ASL: variants seen among roughly 807,000 people sequenced by gnomAD.
The protein encoded by ASL is argininosuccinate lyase, also known as argininosuccinase.
Under a neutral mutation model 69.1 loss-of-function variants are expected in ASL, and 51 were observed. The ratio of observed to expected loss-of-function variants is 0.74; its 90% CI spans 0.59 to 0.93. The LOEUF (loss-of-function observed/expected upper bound fraction) is 0.93. Among genes scored for constraint, ASL ranks in the 40% least tolerant of loss-of-function variants. The probability of loss-of-function intolerance (pLI) is 0.00; values close to 1 mark genes in which losing one functional copy is unlikely to be tolerated. For synonymous variants in ASL, 241 were observed against 247.6 expected, an observed-to-expected ratio of 0.97 and a Z score of 0.25; for missense variants, 540 against 623.9, an observed-to-expected ratio of 0.87 and a Z score of 1.43.
At position 66,088,725 on chromosome 7, in the gene ASL, C is replaced by T. The variant is rs534290482; in HGVS notation, c.719-82C>T. Reference sequence around the variant, plus strand: ...TGAAAATTTAGCCGGGTCCCCCCACCGCCTAACCTCCTCCTGCCCCCTGTA... The same window carrying T: ...TGAAAATTTAGCCGGGTCCCCCCACTGCCTAACCTCCTCCTGCCCCCTGTA... On this transcript the variant is annotated intron_variant, in intron 10 of 16. Coordinates refer to ENST00000304874, the MANE Select transcript of ASL (RefSeq NM_000048.4). The T allele has an allele frequency of 1.3e-4, 163 of 1,230,892 alleles. 1 individual carries two copies. In the African/African-American group the frequency reaches 2.0e-3, roughly 15 times the overall value. 76.2% of individuals were successfully genotyped at this position (1,230,892 alleles called of 1,614,324 possible).
intron 5 of ASL, 30 bp from the exon 6 acceptor site, chr7:66,083,047 C>T: frequency 6.2e-7 from 1 of 1,613,198 alleles, no homozygotes; most frequent in Non-Finnish European, 8.5e-7. Context: ...ACACATCGGC[C>T]TCCCTGAGCA....
At chr7:66,078,050 C>T (rs1338941404) in intron 2 of ASL, among the ~76,000 whole-genome samples, 3 of 152,344 alleles carry the variant, frequency 2.0e-5, no homozygotes, top group Admixed American at 2.0e-4. Context: ...TTCTAGGTGA[C>T]CTCAGGTTGC....
At chr7:66,089,755 G>A (rs1309547166) in intron 14 of ASL, 60 bp downstream of exon 14, 26 of 1,578,356 alleles carry the variant, frequency 1.6e-5, no homozygotes, top group African/African-American at 2.7e-5. Context: ...GTGGGCATGC[G>A]GGGAGGGTGG....
At position 66,089,678 on chromosome 7, in the gene ASL, G is replaced by A. The variant is rs372774556; in HGVS notation, c.1045G>A (p.Val349Ile). Residue 349 changes from valine (V) to isoleucine (I), a missense_variant, in exon 14 of 17, where the codon GTC (valine) becomes ATC (isoleucine). Transcript: ENST00000304874. ...TGCCGTGCTCCAGGTGGCCACTGGC[G>A]TCATCTCTACGCTGCAGGCAAGACA... Reference protein sequence around the residue: ...MSAVLQVATGVISTLQIHQEN... With the variant: ...MSAVLQVATGIISTLQIHQEN... 31 of 1,613,398 alleles carry A rather than the reference G, an allele frequency of 1.9e-5. No homozygotes were observed. The Middle Eastern group carries it at 6.6e-4, about 34-fold the overall frequency.
chr7:66,089,313 G>A lies in ASL; in HGVS notation c.956G>A (p.Ser319Asn), dbSNP rs774195710. The change falls in exon 13 of 17, where the codon AGC (serine) becomes AAC (asparagine). Residue 319 changes from serine (S) to asparagine (N), a missense_variant. Coordinates refer to ENST00000304874, the MANE Select transcript of ASL (RefSeq NM_000048.4). ...GLLMTLKGLPSTYNKDLQEDK... is the reference protein window; with the variant it reads ...GLLMTLKGLPNTYNKDLQEDK... The stretch of plus-strand genomic sequence containing the variant: ...CTGATGACCCTCAAGGGACTTCCCA[G>A]CACCTACAACAAAGACTTACAGGTG... The A allele has an allele frequency of 1.2e-6, 2 of 1,608,628 alleles. No homozygotes were observed. The highest frequency in any genetic ancestry group is 1.1e-5 in the South Asian group (1 of 90,422).
chr7:66,092,130 C>G (rs1209172234), intron 15 of ASL, 44 bp downstream of exon 15: 2 of 1,598,936 alleles, frequency 1.3e-6, no homozygotes, highest in Non-Finnish European at 1.7e-6. Flanking sequence ...GATGGGGTGC[C>G]CCCCCCAGAG....
chr7:66,086,786 G>A lies in ASL; in HGVS notation c.567G>A (p.Glu189=), dbSNP rs1786675928. 6.3e-7 allele frequency: 1 copy of A among 1,593,886 alleles called. No individual in the cohort carries two copies. The highest frequency in any genetic ancestry group is 8.5e-7 in the Non-Finnish European group (1 of 1,170,908). ...ALTRDSERLL[E]VRKRINVLPL... The stretch of plus-strand genomic sequence containing the variant: ...CCCGAGACTCTGAGCGGCTGCTGGA[G>A]GTGCGGAAGCGGATCAATGTCCTGC... Residue 189 remains glutamate, a synonymous_variant, in exon 8 of 17, where the codon GAG becomes GAA. Transcript: ENST00000304874.
At chr7:66,086,242 A>C (rs1786657991) in intron 6 of ASL, among the ~76,000 whole-genome samples, 1 of 151,924 alleles carries the variant, frequency 6.6e-6, no homozygotes, top group South Asian at 2.1e-4. Context: ...CCTCAAACGA[A>C]ACCTCCCACG....
intron 6 of ASL, among the ~76,000 whole-genome samples, chr7:66,086,038 T>C (rs1386277677): frequency 6.6e-6 from 1 of 152,002 alleles, no homozygotes; most frequent in East Asian, 1.9e-4. Context: ...CAGTGAGCTA[T>C]GATCATGCCA....
chr7:66,076,145 G>T (rs373177285), intron 2 of ASL, 52 bp downstream of exon 2: 4 of 1,570,112 alleles, frequency 2.5e-6, no homozygotes, highest in Admixed American at 3.7e-5. Flanking sequence ...AGGAGAGAGT[G>T]GGGGCGCCAG....
chr7:66,090,276 T>TA (rs1359191335), intron 14 of ASL, among the ~76,000 whole-genome samples: 7 of 152,126 alleles, frequency 4.6e-5, no homozygotes, highest in Non-Finnish European at 7.3e-5. Flanking sequence ...TAAATATCTT[T>TA]AAAAAACATT....
Position 66,085,611 on chromosome 7 carries a change from T to G in ASL, c.447-974T>G, listed in dbSNP as rs576935567. On this transcript the variant is annotated intron_variant, in intron 6 of 16. Coordinates refer to ENST00000304874, the MANE Select transcript of ASL (RefSeq NM_000048.4). ...CTGGGCAACATAGCAAGACCCCATCTTTTTTTTTTTTTTTGAGACGGAGTC... is the reference window on the plus strand; with the variant it reads ...CTGGGCAACATAGCAAGACCCCATCGTTTTTTTTTTTTTTGAGACGGAGTC... Among the ~76,000 whole-genome samples the G allele has an allele frequency of 2.1e-3, 303 of 142,494 alleles. 2 individuals are homozygous for G. Among genetic ancestry groups the G allele is most frequent in the African/African-American group, 7.5e-3 (296 of 39,382 alleles). 93.5% of individuals were successfully genotyped at this position (142,494 alleles called of 152,430 possible). A position where few individuals can be genotyped will look rare whatever the true frequency, so the allele number is the denominator to read the frequency against.
At chr7:66,080,496 G>T (rs1786473257) in intron 2 of ASL, among the ~76,000 whole-genome samples, 1 of 151,832 alleles carries the variant, frequency 6.6e-6, no homozygotes, top group Non-Finnish European at 1.5e-5. Context: ...GCCAAGGTCA[G>T]GGGATCACCT....
chr7:66,089,441 C>A, intron 13 of ASL, 106 bp downstream of exon 13: 2 of 1,471,480 alleles, frequency 1.4e-6, no homozygotes, highest in Non-Finnish European at 1.9e-6. Context: ...CCATCCTGTG[C>A]ACACAGCTCC....
rs533945035 is a variant in ASL at position 66,093,052 on chromosome 7, G to T, written c.*140G>T. 2.1e-6 allele frequency: 3 copies of T among 1,406,966 alleles called. No homozygotes were observed. Among genetic ancestry groups the T allele is most frequent in the African/African-American group, 2.8e-5 (2 of 70,616 alleles). The allele number at this position is 1,406,966 out of a possible 1,614,324, so 87.2% of individuals were successfully genotyped here. ...TCAGGGACTGGAGAGGCAGGGCAGG[G>T]TGGCCTGTAATCCCAGCACTTTGGA... is the stretch of plus-strand genomic sequence containing the variant. On this transcript the variant is annotated 3_prime_UTR_variant, in exon 17 of 17. Transcript: ENST00000304874.
At chr7:66,092,397 G>A (rs568357035) in intron 15 of ASL, among the ~76,000 whole-genome samples, 160 bp from the exon 16 acceptor site, 7 of 151,658 alleles carry the variant, frequency 4.6e-5, no homozygotes, top group African/African-American at 1.7e-4. Flanking sequence ...TGGAGTTTGC[G>A]GTGAGGTGAG....
intron 6 of ASL, among the ~76,000 whole-genome samples, chr7:66,085,550 A>G (rs997077154): frequency 1.3e-5 from 2 of 151,996 alleles, no homozygotes; most frequent in African/African-American, 4.8e-5. Flanking sequence ...AGGCCAAGGC[A>G]GGAGGACTGC....
chr7:66,089,447 G>C, intron 13 of ASL, 112 bp downstream of exon 13: 3 of 1,469,962 alleles, frequency 2.0e-6, no homozygotes, highest in Non-Finnish European at 2.8e-6. Context: ...TGTGCACACA[G>C]CTCCATCCGT....
At chr7:66,077,225 T>C (rs1786372668) in intron 2 of ASL, among the ~76,000 whole-genome samples, 1 of 152,060 alleles carries the variant, frequency 6.6e-6, no homozygotes, top group Non-Finnish European at 1.5e-5. Flanking sequence ...GCCCAGGAAT[T>C]CCAGACCAGC....
Sources: allele counts gnomAD v4.1 joint callset (sites outside exome capture counted in the v4.1 genomes callset), GRCh38; gene constraint gnomAD v4.1.1; transcripts MANE v1.5; gene names NCBI Gene and HGNC (gene_info 2026-07-23, HGNC 2026-07-21).